WDR88: variants seen among roughly 807,000 people sequenced by gnomAD.
WDR88 encodes WD repeat-containing protein 88.
In WDR88, 40 loss-of-function variants were observed where a neutral mutation model predicts 46.8. That is an observed-to-expected ratio of 0.86 (90% CI 0.66 to 1.11). The LOEUF (loss-of-function observed/expected upper bound fraction) is 1.11, where lower values mean the gene tolerates loss of function less well. Ranked by LOEUF, WDR88 falls within the 50% of genes most tolerant of loss-of-function variation. The probability of loss-of-function intolerance (pLI) is 0.00; values close to 1 mark genes in which losing one functional copy is unlikely to be tolerated. For synonymous variants in WDR88, 235 were observed against 240.7 expected (o/e 0.98, Z 0.22); for missense variants, 562 against 602.4 (o/e 0.93, Z 0.70).
At chr19:33,137,616 G>GT (rs1214512378) in intron 1 of WDR88, 61 bp from the exon 2 acceptor site, 1 of 1,385,450 alleles carries the variant, frequency 7.2e-7, no homozygotes, top group African/African-American at 1.4e-5. Flanking sequence ...ATAATTAACT[G>GT]TTGTACATTG....
intron 7 of WDR88, among the ~76,000 whole-genome samples, chr19:33,157,813 G>C (rs1386165741): frequency 1.3e-5 from 2 of 149,678 alleles, no homozygotes; most frequent in Non-Finnish European, 3.0e-5. Flanking sequence ...TGGAGAAAGA[G>C]ACCTTCTGTC....
chr19:33,157,507 A>ATATATGTATATATATGTG (rs1458173864), intron 7 of WDR88, among the ~76,000 whole-genome samples: 2 of 100,740 alleles, frequency 2.0e-5, no homozygotes, highest in Non-Finnish European at 3.4e-5. Context: ...CAATATATAT[A>ATATATGTATATATATGTG]TATATGTATA....
chr19:33,170,309 C>G (rs1314745202), intron 9 of WDR88, among the ~76,000 whole-genome samples: 10 of 152,116 alleles, frequency 6.6e-5, no homozygotes, highest in Non-Finnish European at 1.5e-4. Flanking sequence ...TCCCGAGTAG[C>G]TGGGATTACA....
At chr19:33,166,315 G>T (rs1191656510) in intron 9 of WDR88, among the ~76,000 whole-genome samples, 2 of 149,058 alleles carry the variant, frequency 1.3e-5, no homozygotes, top group East Asian at 4.0e-4. Flanking sequence ...AGCTGGGTGT[G>T]GTGGCCACTC....
intron 9 of WDR88, among the ~76,000 whole-genome samples, chr19:33,167,290 A>G (rs940183872): frequency 6.6e-6 from 1 of 152,188 alleles, no homozygotes; most frequent in Non-Finnish European, 1.5e-5. Flanking sequence ...ACATTAATAG[A>G]ACAAAGGGAA....
intron 5 of WDR88, 99 bp downstream of exon 5, chr19:33,149,009 G>C: frequency 6.5e-7 from 1 of 1,543,556 alleles, no homozygotes; most frequent in South Asian, 1.2e-5. Flanking sequence ...TGGTGAAACT[G>C]TAATGGTATG....
chr19:33,174,287 C>A lies in WDR88; in HGVS notation c.1243-1109C>A, dbSNP rs1244885933. ...AGCCTGAGGCCAGGCTTCCCCGAGG[C>A]CTGCCCCAGGTAGGGTTTACCCCCC... is the stretch of plus-strand genomic sequence containing the variant. On this transcript the variant is annotated intron_variant, in intron 10 of 10. Coordinates refer to ENST00000355868, the MANE Select transcript of WDR88 (RefSeq NM_173479.4). 2.6e-6 allele frequency: 4 copies of A among 1,532,274 alleles called. No individual in the cohort carries two copies. In the East Asian group the frequency reaches 7.3e-5, roughly 28 times the overall value. 94.9% of individuals were successfully genotyped at this position (1,532,274 alleles called of 1,614,324 possible).
chr19:33,165,901 CAA>C (rs34888884), intron 9 of WDR88, among the ~76,000 whole-genome samples: 19,984 of 108,982 alleles, frequency 0.18, 2,256 homozygotes, highest in African/African-American at 0.31. Flanking sequence ...AACTCTGTCT[CAA>C]AAAAAAAAAA....
At chr19:33,174,294 C>G in intron 10 of WDR88, 1 of 1,530,684 alleles carries the variant, frequency 6.5e-7, no homozygotes, top group Non-Finnish European at 8.7e-7. Context: ...AGGCCTGCCC[C>G]AGGTAGGGTT....
At position 33,174,071 on chromosome 19, in the gene WDR88, C is replaced by T. The variant is rs538738256; in HGVS notation, c.1243-1325C>T. On this transcript the variant is annotated intron_variant, in intron 10 of 10. Transcript: ENST00000355868. Reference sequence around the variant, plus strand: ...TTCACCATGTTGGCCAGGTTGGTCTCGAACTCCTGAGCTCAAGTGATCCGC... The same window carrying T: ...TTCACCATGTTGGCCAGGTTGGTCTTGAACTCCTGAGCTCAAGTGATCCGC... 1.2e-4 allele frequency: 148 copies of T among 1,202,604 alleles called. 1 individual carries two copies. In the South Asian group the frequency reaches 1.8e-3, roughly 15 times the overall value. The allele number at this position is 1,202,604 out of a possible 1,614,324, so 74.5% of individuals were successfully genotyped here. A position where few individuals can be genotyped will look rare whatever the true frequency, so the allele number is the denominator to read the frequency against.
At chr19:33,170,742 G>T (rs1974024493) in intron 9 of WDR88, among the ~76,000 whole-genome samples, 1 of 152,014 alleles carries the variant, frequency 6.6e-6, no homozygotes, top group African/African-American at 2.4e-5. Context: ...CATGCCTGTA[G>T]TCCCAGCTAT....
intron 2 of WDR88, among the ~76,000 whole-genome samples, chr19:33,141,246 T>TTTTTTTTTTTG (rs1247225166): frequency 6.7e-6 from 1 of 149,078 alleles, no homozygotes. Flanking sequence ...TTTTTCTTTT[T>TTTTTTTTTTTG]TGACACAGGA....
chr19:33,171,613 T>C (rs1974039862), intron 9 of WDR88, among the ~76,000 whole-genome samples: 1 of 152,220 alleles, frequency 6.6e-6, no homozygotes, highest in South Asian at 2.1e-4. Flanking sequence ...AGAAGTCTGA[T>C]AAGCTCTCAC....
chr19:33,136,993 C>T (rs1227223288), intron 1 of WDR88, among the ~76,000 whole-genome samples: 1 of 151,886 alleles, frequency 6.6e-6, no homozygotes, highest in Non-Finnish European at 1.5e-5. Context: ...TGCAGTGCTG[C>T]AATCATAGCT....
intron 2 of WDR88, among the ~76,000 whole-genome samples, chr19:33,138,980 C>T (rs1399536572): frequency 6.6e-6 from 1 of 152,104 alleles, no homozygotes; most frequent in Non-Finnish European, 1.5e-5. Context: ...CTGTGCCCGG[C>T]CACCCCACAC....
At chr19:33,155,019 G>C (rs552638427) in intron 6 of WDR88, among the ~76,000 whole-genome samples, 1 of 152,314 alleles carries the variant, frequency 6.6e-6, no homozygotes, top group South Asian at 2.1e-4. Flanking sequence ...CTGCTTACAA[G>C]AGGAGGTGAG....
In WDR88 at chr19:33,148,785, A is replaced by G; in HGVS notation, c.554A>G (p.Tyr185Cys). ...GGCTCATTTCAGTGGAAGGTCAGGT[A>G]TGATACCTTCATCGTCTCCTGTAAG... Reference protein sequence around the residue: ...ETGKLLWKVRYDTFIVSCKFS... With the variant: ...ETGKLLWKVRCDTFIVSCKFS... The change falls in exon 5 of 11, where the codon TAT (tyrosine) becomes TGT (cysteine). Residue 185 changes from tyrosine to cysteine, a missense_variant. Physicochemically the swap from Tyr to Cys is radical, Grantham distance 194. Transcript: ENST00000355868. 1.2e-6 allele frequency: 2 copies of G among 1,614,164 alleles called. No homozygotes were observed. The highest frequency in any genetic ancestry group is 2.2e-5 in the East Asian group (1 of 44,866).
intron 8 of WDR88, among the ~76,000 whole-genome samples, chr19:33,163,726 G>A (rs1283139469): frequency 1.4e-5 from 2 of 146,050 alleles, no homozygotes; most frequent in African/African-American, 5.1e-5. Flanking sequence ...CAACCTCCCC[G>A]GGCTCCGGTG....
At chr19:33,157,527 A>G (rs113523992) in intron 7 of WDR88, among the ~76,000 whole-genome samples, 2,456 of 46,450 alleles carry the variant, frequency 0.053, 42 homozygotes, top group Middle Eastern at 0.087. Context: ...ATATATGTGT[A>G]TATATATATA....
Sources: gnomAD v4.1 joint callset for allele counts (sites outside exome capture counted in the v4.1 genomes callset) on GRCh38, gnomAD v4.1.1 for gene constraint, MANE v1.5 for transcripts, NCBI Gene and HGNC (gene_info 2026-07-23, HGNC 2026-07-21) for gene names.